PTPRG: variants seen among roughly 807,000 people sequenced by gnomAD.
PTPRG encodes the protein receptor-type tyrosine-protein phosphatase gamma.
PTPRG carries 102 observed loss-of-function variants against 165.3 expected under a neutral mutation model. The observed-to-expected ratio is 0.62, with a 90% CI of 0.53 to 0.73. PTPRG has a LOEUF of 0.73. Among genes scored for constraint, PTPRG ranks in the 30% least tolerant of loss-of-function variants. The pLI is 0.00. For missense variants in PTPRG, 1,866 were observed against 1,861.4 expected (o/e 1.00, Z -0.05); for synonymous variants, 675 against 669.5 (o/e 1.01, Z -0.13).
intron 1 of PTPRG, among the ~76,000 whole-genome samples, chr3:61,734,563 C>G (rs2032644908): frequency 6.6e-6 from 1 of 152,140 alleles, no homozygotes; most frequent in Admixed American, 6.5e-5. Flanking sequence ...CCGGTTGTCC[C>G]AATTTGTTCC....
At chr3:62,179,264 T>C (rs1001184241) in intron 8 of PTPRG, among the ~76,000 whole-genome samples, 2 of 152,176 alleles carry the variant, frequency 1.3e-5, no homozygotes, top group African/African-American at 4.8e-5. Context: ...GCTTTTCTTA[T>C]TCCTTCTCAG....
rs147957539 is a variant in PTPRG at position 62,124,773 on chromosome 3, G to A, written c.616-7829G>A. ...TAGAGATGTTGTGTTGCCCAGGCTG[G>A]TCTCAAACTCCTGGCCTCAAATGAT... On this transcript the variant is annotated intron_variant, in intron 5 of 29. Coordinates refer to ENST00000474889, the MANE Select transcript of PTPRG (RefSeq NM_002841.4). 9.8e-5 allele frequency among the ~76,000 whole-genome samples: 15 copies of A among 152,296 alleles called. No individual in the cohort carries two copies. The East Asian group carries it at 2.7e-3, about 27-fold the overall frequency.
intron 5 of PTPRG, among the ~76,000 whole-genome samples, chr3:62,089,471 C>G (rs1386250197): frequency 6.6e-6 from 1 of 152,204 alleles, no homozygotes; most frequent in East Asian, 1.9e-4. Context: ...AGGAAACGGT[C>G]TATTGCAAGA....
Position 61,605,107 on chromosome 3 carries a change from T to A in PTPRG, c.85+42735T>A, listed in dbSNP as rs147187977. Among the ~76,000 whole-genome samples the A allele has an allele frequency of 2.6e-4, 39 of 152,326 alleles. No individual in the cohort carries two copies. The East Asian group carries it at 7.3e-3, about 29-fold the overall frequency. Reference sequence around the variant, plus strand: ...TGATAAACTGGCATCTCCCATTCGCTATCCTTCTCTTTGCTGGAGGATTTA... The same window carrying A: ...TGATAAACTGGCATCTCCCATTCGCAATCCTTCTCTTTGCTGGAGGATTTA... On this transcript the variant is annotated intron_variant, in intron 1 of 29. Coordinates refer to ENST00000474889, the MANE Select transcript of PTPRG (RefSeq NM_002841.4).
chr3:61,664,165 G>T (rs1224352860), intron 1 of PTPRG, among the ~76,000 whole-genome samples: 1 of 152,208 alleles, frequency 6.6e-6, no homozygotes, highest in Non-Finnish European at 1.5e-5. Context: ...GTTGGATTTT[G>T]TTCCACATCT....
chr3:62,187,848 G>A (rs553875577), intron 8 of PTPRG, among the ~76,000 whole-genome samples: 3 of 152,134 alleles, frequency 2.0e-5, no homozygotes, highest in South Asian at 2.1e-4. Context: ...TCCTCCTCTC[G>A]TGTAATCAGG....
At chr3:62,183,420 C>A (rs971665149) in intron 8 of PTPRG, among the ~76,000 whole-genome samples, 1 of 152,040 alleles carries the variant, frequency 6.6e-6, no homozygotes, top group African/African-American at 2.4e-5. Context: ...CAAAATTGGC[C>A]AGGTGTGGTG....
rs199609616 is a variant in PTPRG at position 61,792,668 on chromosome 3, TTTTC to T, written c.190+43762_190+43765del. ...ATGGAAAACATAACTTTTTTGTGGGTTTTCTTTCTTTCTTTCTTTCTTTCTTTCT... is the reference window on the plus strand; with the variant it reads ...ATGGAAAACATAACTTTTTTGTGGGTTTTCTTTCTTTCTTTCTTTCTTTCT... On this transcript the variant is annotated intron_variant, in intron 2 of 29. Coordinates refer to ENST00000474889, the MANE Select transcript of PTPRG (RefSeq NM_002841.4). Among the ~76,000 whole-genome samples the T allele has an allele frequency of 1.6e-3, 186 of 118,222 alleles. 1 individual carries two copies. Among genetic ancestry groups the T allele is most frequent in the Middle Eastern group, 0.012 (3 of 256 alleles). 77.6% of individuals were successfully genotyped at this position (118,222 alleles called of 152,430 possible).
At chr3:61,732,758 A>AATC (rs1559580083) in intron 1 of PTPRG, among the ~76,000 whole-genome samples, 54 of 131,500 alleles carry the variant, frequency 4.1e-4, no homozygotes, top group Admixed American at 1.1e-3. Flanking sequence ...ATAAATAAAT[A>AATC]AATCTTGCAT....
intron 14 of PTPRG, among the ~76,000 whole-genome samples, chr3:62,241,745 T>C (rs186816392): frequency 3.3e-5 from 5 of 152,316 alleles, no homozygotes; most frequent in Admixed American, 3.3e-4. Flanking sequence ...ATTTTAGAAG[T>C]CTAATAGCCA....
At chr3:61,873,050 T>C (rs369885164) in intron 2 of PTPRG, among the ~76,000 whole-genome samples, 13 of 152,178 alleles carry the variant, frequency 8.5e-5, no homozygotes, top group African/African-American at 2.9e-4. Context: ...TGAAGAGCCA[T>C]TGGGCAGGAG....
chr3:61,991,531 C>G (rs544210556), intron 3 of PTPRG, among the ~76,000 whole-genome samples: 2 of 152,330 alleles, frequency 1.3e-5, no homozygotes, highest in East Asian at 1.9e-4. Context: ...ATCCTCACCT[C>G]TCTACCACCC....
At chr3:61,607,383 A>G (rs1005335388) in intron 1 of PTPRG, among the ~76,000 whole-genome samples, 4 of 152,184 alleles carry the variant, frequency 2.6e-5, no homozygotes, top group Non-Finnish European at 5.9e-5. Flanking sequence ...AAATCGGATC[A>G]AACTGTGTTC....
intron 4 of PTPRG, among the ~76,000 whole-genome samples, chr3:62,039,287 A>G (rs562682185): frequency 6.6e-6 from 1 of 150,952 alleles, no homozygotes; most frequent in South Asian, 2.1e-4. Context: ...TTTTAAAGAG[A>G]AGTGTTGTAT....
chr3:61,662,673 T>C (rs1702698528), intron 1 of PTPRG, among the ~76,000 whole-genome samples: 2 of 152,216 alleles, frequency 1.3e-5, no homozygotes, highest in South Asian at 2.1e-4. Flanking sequence ...AAGAAGATGA[T>C]GGTCCTTGGC....
rs1704815230 is a variant in PTPRG, at chr3:62,162,735, G to A, written c.841-5236G>A. The stretch of plus-strand genomic sequence containing the variant: ...TTGTTTCAGGACTTATACTATCACT[G>A]CATCCATTTCTCCACTGCAGTGTGG... On this transcript the variant is annotated intron_variant, in intron 7 of 29. Coordinates refer to ENST00000474889, the MANE Select transcript of PTPRG (RefSeq NM_002841.4). Among the ~76,000 whole-genome samples the A allele has an allele frequency of 2.0e-5, 3 of 152,364 alleles. No individual in the cohort carries two copies. In the South Asian group the frequency reaches 6.2e-4, roughly 32 times the overall value.
intron 2 of PTPRG, among the ~76,000 whole-genome samples, chr3:61,942,235 C>G (rs1490416769): frequency 2.0e-5 from 3 of 152,034 alleles, no homozygotes; most frequent in Non-Finnish European, 2.9e-5. Context: ...GAGCTATTCC[C>G]TTTACCTGGG....
chr3:61,623,851 A>G (rs527441457), intron 1 of PTPRG, among the ~76,000 whole-genome samples: 10 of 152,354 alleles, frequency 6.6e-5, no homozygotes, highest in African/African-American at 2.4e-4. Context: ...GAAACAAAAC[A>G]TCTGAGGAGA....
At chr3:62,238,466 A>ATAGAATATTT (rs1393545483) in intron 14 of PTPRG, among the ~76,000 whole-genome samples, 3 of 152,128 alleles carry the variant, frequency 2.0e-5, no homozygotes, top group Non-Finnish European at 1.5e-5. Flanking sequence ...AAATATTGAC[A>ATAGAATATTT]ACTTCAATGC....
Sources: gnomAD v4.1 joint callset for allele counts (sites outside exome capture counted in the v4.1 genomes callset) on GRCh38, gnomAD v4.1.1 for gene constraint, MANE v1.5 for transcripts, NCBI Gene and HGNC (gene_info 2026-07-23, HGNC 2026-07-21) for gene names.